The following MARCHF4 variants were observed in gnomAD, a reference collection of about 807,000 sequenced individuals.
MARCHF4 encodes the protein membrane associated ring-CH-type finger 4, also known as E3 ubiquitin-protein ligase MARCHF4.
MARCHF4 carries 14 observed loss-of-function variants against 43.9 expected under a neutral mutation model. The observed-to-expected ratio is 0.32, with a 90% CI of 0.21 to 0.50. The LOEUF (loss-of-function observed/expected upper bound fraction) is 0.50. MARCHF4 is among the 20% of genes least tolerant of loss of function. MARCHF4 has a pLI of 0.98. For synonymous variants in MARCHF4, 226 were observed against 213.3 expected (o/e 1.06, Z -0.52); for missense variants, 468 against 536.7 (o/e 0.87, Z 1.27).
chr2:216,308,181 C>T (rs1447674309), intron 1 of MARCHF4, among the ~76,000 whole-genome samples: 2 of 152,204 alleles, frequency 1.3e-5, no homozygotes, highest in African/African-American at 2.4e-5. Flanking sequence ...GCAGGCAGAT[C>T]GCTTGAGCTC....
At chr2:216,295,078 C>T (rs921302565) in intron 1 of MARCHF4, among the ~76,000 whole-genome samples, 2 of 151,930 alleles carry the variant, frequency 1.3e-5, no homozygotes, top group South Asian at 2.1e-4. Context: ...GTCCTGAGCA[C>T]CTGATATGCA....
intron 1 of MARCHF4, among the ~76,000 whole-genome samples, chr2:216,350,567 T>A (rs1214333007): frequency 6.6e-6 from 1 of 151,760 alleles, no homozygotes; most frequent in Non-Finnish European, 1.5e-5. Context: ...CCACACCACC[T>A]CACTGTGACA....
intron 1 of MARCHF4, among the ~76,000 whole-genome samples, chr2:216,348,337 C>A (rs1692352276): frequency 6.6e-6 from 1 of 152,032 alleles, no homozygotes; most frequent in Non-Finnish European, 1.5e-5. Flanking sequence ...CCGTGCCTGG[C>A]CGGTTAAGGC....
chr2:216,327,077 T>G (rs1692005945), intron 1 of MARCHF4, among the ~76,000 whole-genome samples: 1 of 152,218 alleles, frequency 6.6e-6, no homozygotes, highest in Non-Finnish European at 1.5e-5. Context: ...TGGCATATAC[T>G]AAGTGACTGA....
intron 3 of MARCHF4, among the ~76,000 whole-genome samples, chr2:216,274,178 G>A (rs1020755305): frequency 3.9e-5 from 6 of 152,150 alleles, no homozygotes; most frequent in African/African-American, 1.4e-4. Context: ...CCATGGTTGT[G>A]GGTCTCATCT....
intron 1 of MARCHF4, among the ~76,000 whole-genome samples, chr2:216,310,085 A>G (rs1024247932): frequency 1.1e-5 from 1 of 88,688 alleles, no homozygotes; most frequent in Non-Finnish European, 2.2e-5. Context: ...GTATAGAACC[A>G]CTGGGCCTAG....
At chr2:216,331,293 A>G (rs1692078504) in intron 1 of MARCHF4, among the ~76,000 whole-genome samples, 1 of 152,098 alleles carries the variant, frequency 6.6e-6, no homozygotes, top group Non-Finnish European at 1.5e-5. Flanking sequence ...CACAATTTAA[A>G]AAAAACAATT....
chr2:216,285,185 C>G (rs1040581880), intron 1 of MARCHF4, among the ~76,000 whole-genome samples: 6 of 152,178 alleles, frequency 3.9e-5, no homozygotes, highest in Non-Finnish European at 7.3e-5. Flanking sequence ...CCTGCACTGC[C>G]TTGAGGAACA....
rs73066469 is a variant in MARCHF4, at chr2:216,335,473, G to A, written c.516+34272C>T. 8.2e-3 allele frequency among the ~76,000 whole-genome samples: 1,244 copies of A among 152,272 alleles called. 14 individuals carry two copies. The highest frequency in any genetic ancestry group is 0.028 in the African/African-American group (1,172 of 41,528). On this transcript the variant is annotated intron_variant, in intron 1 of 3. Coordinates refer to ENST00000273067, the MANE Select transcript of MARCHF4 (RefSeq NM_020814.3). ...CAATCTGAGGAATTAGCAAATGAAT[G>A]CTAAAAATGCATGTAATTGAATAAA...
At chr2:216,311,382 T>C (rs1691684049) in intron 1 of MARCHF4, among the ~76,000 whole-genome samples, 1 of 152,074 alleles carries the variant, frequency 6.6e-6, no homozygotes, top group Non-Finnish European at 1.5e-5. Context: ...CTCATCCTCC[T>C]GAGTAGCTGG....
rs531744201 is a variant in MARCHF4 at position 216,355,294 on chromosome 2, C to T, written c.516+14451G>A. 2.0e-5 allele frequency among the ~76,000 whole-genome samples: 3 copies of T among 152,070 alleles called. No homozygotes were observed. The South Asian group carries it at 6.2e-4, about 32-fold the overall frequency. On this transcript the variant is annotated intron_variant, in intron 1 of 3. Coordinates refer to ENST00000273067, the MANE Select transcript of MARCHF4 (RefSeq NM_020814.3). ...GCCCTAATACTTGTATTTTTATAAT[C>T]TTTTTATTAACCAAACAATATGGAA... is the stretch of plus-strand genomic sequence containing the variant.
At chr2:216,358,732 C>T (rs1007045890) in intron 1 of MARCHF4, among the ~76,000 whole-genome samples, 1 of 152,156 alleles carries the variant, frequency 6.6e-6, no homozygotes. Flanking sequence ...GGAAAAAAAG[C>T]CTTCATCTTT....
intron 1 of MARCHF4, among the ~76,000 whole-genome samples, chr2:216,292,389 C>G (rs1208046360): frequency 6.6e-6 from 1 of 152,182 alleles, no homozygotes; most frequent in Admixed American, 6.5e-5. Context: ...GAATCTAAAG[C>G]CTTAAAATCA....
chr2:216,336,742 TAAA>T (rs58031229), intron 1 of MARCHF4, among the ~76,000 whole-genome samples: 885 of 55,650 alleles, frequency 0.016, 19 homozygotes, highest in Middle Eastern at 0.056. Flanking sequence ...CAAATAGATT[TAAA>T]AAAAAAAAAA....
Position 216,259,653 on chromosome 2 carries a change from C to G in MARCHF4, c.892G>C (p.Val298Leu). The change falls in exon 4 of 4, where the codon GTG becomes CTG. Residue 298 changes from valine (V) to leucine (L), a missense_variant. Physicochemically the swap from Val to Leu is conservative, Grantham distance 32 (BLOSUM62 1). Transcript: ENST00000273067. ...TGCCACCGTTTAAAGATGCGGTACA[C>G]CGAGGGTCCTTCATGGATGATGAGA... ...IGLIIHEGPS[V>L]YRIFKRWQAV... is the part of the protein sequence containing the mutation. 6.2e-7 allele frequency: 1 copy of G among 1,614,066 alleles called. No individual in the cohort carries two copies.
At chr2:216,340,323 G>T (rs1692217718) in intron 1 of MARCHF4, among the ~76,000 whole-genome samples, 2 of 152,250 alleles carry the variant, frequency 1.3e-5, no homozygotes, top group Non-Finnish European at 2.9e-5. Context: ...TTGAATTTAG[G>T]GTGACACAAG....
intron 1 of MARCHF4, among the ~76,000 whole-genome samples, chr2:216,303,925 C>A (rs937122814): frequency 6.6e-6 from 1 of 152,152 alleles, no homozygotes; most frequent in South Asian, 2.1e-4. Flanking sequence ...AGGAAGGGAG[C>A]AGCACACTTC....
intron 1 of MARCHF4, among the ~76,000 whole-genome samples, chr2:216,296,581 A>C (rs1691399419): frequency 6.6e-6 from 1 of 152,182 alleles, no homozygotes; most frequent in Non-Finnish European, 1.5e-5. Context: ...TTGTCTGCAG[A>C]AAGTGAAAGC....
At chr2:216,332,112 C>T (rs751153477) in intron 1 of MARCHF4, among the ~76,000 whole-genome samples, 1 of 151,984 alleles carries the variant, frequency 6.6e-6, no homozygotes, top group African/African-American at 2.4e-5. Flanking sequence ...AATTTGGGGC[C>T]GGGCACAGTG....
Sources: allele counts gnomAD v4.1 joint callset (sites outside exome capture counted in the v4.1 genomes callset), GRCh38; gene constraint gnomAD v4.1.1; transcripts MANE v1.5; gene names NCBI Gene and HGNC (gene_info 2026-07-23, HGNC 2026-07-21).